Variants in SNTG1 observed in about 807,000 individuals in gnomAD.
The protein encoded by SNTG1 is syntrophin gamma 1.
Under a neutral mutation model 74.7 loss-of-function variants are expected in SNTG1, and 39 were observed. The ratio of observed to expected loss-of-function variants is 0.52; its 90% confidence interval spans 0.40 to 0.68. The LOEUF is 0.68. Among genes scored for constraint, SNTG1 ranks in the 30% least tolerant of loss-of-function variants. SNTG1 has a pLI of 0.00. For synonymous variants in SNTG1, 254 were observed against 217.1 expected (o/e 1.17, Z -1.49); for missense variants, 685 against 609.5 (o/e 1.12, Z -1.30).
rs527720450 is a variant in SNTG1, at chr8:50,010,755, T to C, written c.-103+98524T>C. Among the ~76,000 whole-genome samples the C allele has an allele frequency of 4.6e-4, 70 of 151,034 alleles. 3 individuals carry two copies. In the South Asian group the frequency reaches 0.012, roughly 26 times the overall value. On this transcript the variant is annotated intron_variant, in intron 1 of 18. Coordinates refer to ENST00000642720, the MANE Select transcript of SNTG1 (RefSeq NM_018967.5). The stretch of plus-strand genomic sequence containing the variant: ...GATGTTTCTGAACTGGGTGACTATT[T>C]ACCTGACATATCCAAGGACACAGGC...
At chr8:50,009,179 G>A (rs763549850) in intron 1 of SNTG1, among the ~76,000 whole-genome samples, 2 of 152,104 alleles carry the variant, frequency 1.3e-5, no homozygotes, top group Non-Finnish European at 2.9e-5. Context: ...TATATGGCCT[G>A]CATGCTATTT....
chr8:50,593,551 C>T (rs982122128), intron 13 of SNTG1, among the ~76,000 whole-genome samples: 5 of 151,904 alleles, frequency 3.3e-5, no homozygotes, highest in Non-Finnish European at 7.4e-5. Context: ...AAAAAACCTA[C>T]ATTTAAAATT....
intron 2 of SNTG1, among the ~76,000 whole-genome samples, chr8:50,177,887 T>A (rs1296709575): frequency 6.6e-6 from 1 of 152,188 alleles, no homozygotes; most frequent in Non-Finnish European, 1.5e-5. Context: ...TCCTCATTCC[T>A]GAACCCCTGG....
intron 2 of SNTG1, among the ~76,000 whole-genome samples, chr8:50,292,655 G>T (rs768777576): frequency 6.6e-6 from 1 of 152,132 alleles, no homozygotes; most frequent in Non-Finnish European, 1.5e-5. Flanking sequence ...TTTCTAGGTT[G>T]AGTGCTTGGA....
At chr8:50,436,812 T>G (rs1318159172) in intron 4 of SNTG1, among the ~76,000 whole-genome samples, 1 of 152,204 alleles carries the variant, frequency 6.6e-6, no homozygotes, top group East Asian at 1.9e-4. Context: ...AAATTATTAA[T>G]AGATTTTGTG....
At chr8:50,226,664 C>CT (rs113730289) in intron 2 of SNTG1, among the ~76,000 whole-genome samples, 3 of 86,406 alleles carry the variant, frequency 3.5e-5, no homozygotes, top group Non-Finnish European at 7.0e-5. Flanking sequence ...AATCTGGAAG[C>CT]CCCCCCACCC....
chr8:50,727,174 T>A (rs1429625695), intron 17 of SNTG1, among the ~76,000 whole-genome samples: 1 of 152,130 alleles, frequency 6.6e-6, no homozygotes, highest in Non-Finnish European at 1.5e-5. Context: ...GTGTGGGAAT[T>A]AGAATTAACA....
chr8:50,264,935 A>G (rs1419666270), intron 2 of SNTG1, among the ~76,000 whole-genome samples: 3 of 152,104 alleles, frequency 2.0e-5, no homozygotes, highest in Non-Finnish European at 2.9e-5. Flanking sequence ...ACTCATTAAG[A>G]AATACAAAAC....
intron 1 of SNTG1, among the ~76,000 whole-genome samples, chr8:50,063,744 T>TA (rs1396673015): frequency 6.6e-6 from 1 of 151,976 alleles, no homozygotes; most frequent in South Asian, 2.1e-4. Flanking sequence ...AGCTTTTTTT[T>TA]AAAAATATAA....
intron 1 of SNTG1, among the ~76,000 whole-genome samples, chr8:50,089,920 T>G (rs961991055): frequency 2.0e-5 from 3 of 152,002 alleles, no homozygotes; most frequent in African/African-American, 2.4e-5. Context: ...TATACCCAAA[T>G]GACTATAAAT....
intron 11 of SNTG1, 32 bp downstream of exon 11, chr8:50,536,840 T>C (rs780951361): frequency 4.4e-6 from 7 of 1,605,256 alleles, no homozygotes; most frequent in Non-Finnish European, 6.0e-6. Context: ...ATGACTGTTT[T>C]GTTTATGAAA....
intron 12 of SNTG1, among the ~76,000 whole-genome samples, chr8:50,560,839 G>C (rs2094483626): frequency 6.6e-6 from 1 of 151,792 alleles, no homozygotes; most frequent in South Asian, 2.1e-4. Flanking sequence ...TAACAAACCT[G>C]CACATCCTAC....
At chr8:49,983,499 A>T (rs984688807) in intron 1 of SNTG1, among the ~76,000 whole-genome samples, 10 of 152,234 alleles carry the variant, frequency 6.6e-5, no homozygotes, top group African/African-American at 2.2e-4. Flanking sequence ...CTAAATACAA[A>T]TAATCTCGTT....
intron 15 of SNTG1, among the ~76,000 whole-genome samples, chr8:50,674,681 CTGAGT>C (rs2095301818): frequency 6.6e-6 from 1 of 151,836 alleles, no homozygotes; most frequent in Non-Finnish European, 1.5e-5. Context: ...CTGCTCTGAC[CTGAGT>C]TATTTCTTGT....
intron 15 of SNTG1, among the ~76,000 whole-genome samples, chr8:50,687,183 T>C (rs544888841): frequency 6.9e-6 from 1 of 145,650 alleles, no homozygotes; most frequent in South Asian, 2.2e-4. Flanking sequence ...ATTCAAAACA[T>C]ATGACTATAG....
At chr8:50,185,776 T>G (rs2083359083) in intron 2 of SNTG1, among the ~76,000 whole-genome samples, 1 of 152,180 alleles carries the variant, frequency 6.6e-6, no homozygotes, top group Admixed American at 6.5e-5. Context: ...GAATTCATTT[T>G]TTTCTATATT....
chr8:50,646,610 C>T (rs2095110684), intron 13 of SNTG1, among the ~76,000 whole-genome samples: 2 of 152,038 alleles, frequency 1.3e-5, no homozygotes, highest in African/African-American at 4.8e-5. Context: ...ATGTTGATTC[C>T]TTCTTATAAA....
In SNTG1 at chr8:49,920,557, A is replaced by AAAC. The variant is rs373704356; in HGVS notation, c.-103+8344_-103+8346dup. On this transcript the variant is annotated intron_variant, in intron 1 of 18. Coordinates refer to ENST00000642720, the MANE Select transcript of SNTG1 (RefSeq NM_018967.5). ...GCAGTAAATAAATAAAAAAACAAAT[A>AAAC]AACAACAACAACAACAACAAACAGA... Among the ~76,000 whole-genome samples, 341 of 152,026 alleles carry AAAC rather than the reference A, an allele frequency of 2.2e-3. 1 individual carries two copies. The highest frequency in any genetic ancestry group is 3.5e-3 in the Non-Finnish European group (236 of 67,904).
At chr8:50,413,579 T>G (rs1250248592) in intron 4 of SNTG1, among the ~76,000 whole-genome samples, 2 of 152,214 alleles carry the variant, frequency 1.3e-5, no homozygotes, top group Non-Finnish European at 2.9e-5. Flanking sequence ...TTTCTTTGCT[T>G]GAGAGTCACA....
Sources: gnomAD v4.1 joint callset for allele counts (sites outside exome capture counted in the v4.1 genomes callset) on GRCh38, gnomAD v4.1.1 for gene constraint, MANE v1.5 for transcripts, NCBI Gene and HGNC (gene_info 2026-07-23, HGNC 2026-07-21) for gene names.